The following EIF3A variants were observed in gnomAD, a reference collection of about 807,000 sequenced individuals.
EIF3A encodes the protein EIF3, p180 subunit.
EIF3A carries 21 observed loss-of-function variants against 186.6 expected under a neutral mutation model. That is an observed-to-expected ratio of 0.11 (90% CI 0.08 to 0.16). EIF3A has a LOEUF of 0.16. EIF3A is among the 10% of genes least tolerant of loss of function. The probability of loss-of-function intolerance (pLI) is 1.00; values close to 1 mark genes in which losing one functional copy is unlikely to be tolerated. For synonymous variants in EIF3A, 563 were observed against 584.3 expected, an observed-to-expected ratio of 0.96 and a Z score of 0.52; for missense variants, 1,306 against 1,796.3, an observed-to-expected ratio of 0.73 and a Z score of 4.93.
At chr10:119,043,659 C>T (rs1468723504) in intron 18 of EIF3A, among the ~76,000 whole-genome samples, 1 of 151,816 alleles carries the variant, frequency 6.6e-6, no homozygotes, top group Non-Finnish European at 1.5e-5. Context: ...GTGGCTCATG[C>T]CTGTCATCCC....
chr10:119,035,951 A>C lies in EIF3A; in HGVS notation c.*88T>G. On this transcript the variant is annotated 3_prime_UTR_variant, in exon 22 of 22. Coordinates refer to ENST00000369144, the MANE Select transcript of EIF3A (RefSeq NM_003750.4). Reference sequence around the variant, plus strand: ...TGGTGAAACAACATTAAAGAATCCAATTTAGATTGGTTGAAGCACAAGTAT... The same window carrying C: ...TGGTGAAACAACATTAAAGAATCCACTTTAGATTGGTTGAAGCACAAGTAT... 2 of 996,652 alleles carry C rather than the reference A, an allele frequency of 2.0e-6. No homozygotes were observed. Among genetic ancestry groups the C allele is most frequent in the Non-Finnish European group, 3.1e-6 (2 of 643,280 alleles). 61.7% of individuals were successfully genotyped at this position (996,652 alleles called of 1,614,324 possible). A position where few individuals can be genotyped will look rare whatever the true frequency, so the allele number is the denominator to read the frequency against.
In EIF3A at chr10:119,042,089, T is replaced by A; in HGVS notation, c.3431A>T (p.Asp1144Val). ...EDDRGPWRNM[D>V]DDRLSRRADD... ...AGCACGTCTTGAAAGGCGATCATCA[T>A]CCATGTTTCTCCAAGGGCCCCTGTC... Residue 1144 changes from aspartate (D) to valine (V), a missense_variant, in exon 19 of 22, where the codon GAT becomes GTT. Physicochemically the swap from Asp to Val is radical, Grantham distance 152 (BLOSUM62 -3). Transcript: ENST00000369144. The surrounding 1 kb of genome is among the most constrained non-coding windows in gnomAD (Gnocchi z 7.8). The A allele has an allele frequency of 6.2e-7, 1 of 1,614,200 alleles. No individual in the cohort carries two copies. The highest frequency in any genetic ancestry group is 8.5e-7 in the Non-Finnish European group (1 of 1,180,042).
intron 19 of EIF3A, among the ~76,000 whole-genome samples, chr10:119,038,916 C>T (rs936188239): frequency 6.6e-6 from 1 of 151,938 alleles, no homozygotes; most frequent in Non-Finnish European, 1.5e-5. Context: ...CAGAATGAGA[C>T]TGTCTCAAAA....
chr10:119,055,487 T>G (rs1255606628), intron 14 of EIF3A, among the ~76,000 whole-genome samples: 1 of 152,152 alleles, frequency 6.6e-6, no homozygotes, highest in African/African-American at 2.4e-5. Flanking sequence ...GAGCACATGC[T>G]GCTGGAAAAA....
At chr10:119,043,274 C>T (rs1231635347) in intron 18 of EIF3A, among the ~76,000 whole-genome samples, 1 of 152,068 alleles carries the variant, frequency 6.6e-6, no homozygotes, top group Non-Finnish European at 1.5e-5. Context: ...CAAAAATTAG[C>T]CAGGCGTGGT....
chr10:119,064,724 T>C (rs1207480522), intron 7 of EIF3A, among the ~76,000 whole-genome samples: 1 of 152,180 alleles, frequency 6.6e-6, no homozygotes, highest in Non-Finnish European at 1.5e-5. Flanking sequence ...GTTTGTTTGT[T>C]TGAAAAGGAG....
At chr10:119,075,838 T>TGA (rs1844162088) in intron 1 of EIF3A, among the ~76,000 whole-genome samples, 1 of 142,658 alleles carries the variant, frequency 7.0e-6, no homozygotes, top group Non-Finnish European at 1.5e-5. Context: ...CTCAGCCTCC[T>TGA]GAGTCGCTGG....
Position 119,036,100 on chromosome 10 carries a change from T to A in EIF3A, c.4088A>T (p.Glu1363Val). The change falls in exon 22 of 22, where the codon GAA becomes GTA. Residue 1363 changes from glutamate to valine, a missense_variant. By Grantham distance (121) the Glu-to-Val change is moderately radical. Coordinates refer to ENST00000369144, the MANE Select transcript of EIF3A (RefSeq NM_003750.4). ...KASWRAEKDR[E>V]SLRRTKNETD... ...CTCATTTTTAGTACGACGGAGAGATTCCCTATCTTTCTCAGCTCTCCATGA... is the reference window on the plus strand; with the variant it reads ...CTCATTTTTAGTACGACGGAGAGATACCCTATCTTTCTCAGCTCTCCATGA... The A allele has an allele frequency of 6.2e-7, 1 of 1,614,066 alleles. No homozygotes were observed. Among genetic ancestry groups the A allele is most frequent in the Non-Finnish European group, 8.5e-7 (1 of 1,179,990 alleles).
intron 1 of EIF3A, among the ~76,000 whole-genome samples, chr10:119,075,682 T>C (rs1278365470): frequency 7.1e-6 from 1 of 140,582 alleles, no homozygotes; most frequent in Non-Finnish European, 1.5e-5. Context: ...TTTTTAAAAA[T>C]ATCATTGTTT....
chr10:119,061,691 A>G (rs1843890045), intron 7 of EIF3A, among the ~76,000 whole-genome samples: 1 of 152,210 alleles, frequency 6.6e-6, no homozygotes, highest in Non-Finnish European at 1.5e-5. Flanking sequence ...TTATCACACA[A>G]AAATTATCAT....
chr10:119,064,258 G>T (rs547067971), intron 7 of EIF3A, among the ~76,000 whole-genome samples: 1 of 152,148 alleles, frequency 6.6e-6, no homozygotes, highest in Non-Finnish European at 1.5e-5. Flanking sequence ...GAAAAAAGTT[G>T]AAAATATTTT....
intron 17 of EIF3A, among the ~76,000 whole-genome samples, chr10:119,048,837 A>T (rs1332655726): frequency 6.6e-6 from 1 of 151,902 alleles, no homozygotes; most frequent in African/African-American, 2.4e-5. Context: ...CACCCAGCTA[A>T]TTTTTTTATT....
intron 6 of EIF3A, among the ~76,000 whole-genome samples, chr10:119,067,028 C>T (rs1156692857): frequency 6.6e-6 from 1 of 151,690 alleles, no homozygotes; most frequent in Non-Finnish European, 1.5e-5. Flanking sequence ...GCCTGGCTAA[C>T]ATGGTGAAAC....
At chr10:119,057,113 T>C in intron 12 of EIF3A, 73 bp from the exon 13 acceptor site, 1 of 819,278 alleles carries the variant, frequency 1.2e-6, no homozygotes, top group Non-Finnish European at 2.0e-6. Flanking sequence ...CACTGCTTTC[T>C]AGAATAAAAT....
chr10:119,073,107 G>C (rs1374250503), intron 3 of EIF3A, 54 bp from the exon 4 acceptor site: 1 of 1,532,806 alleles, frequency 6.5e-7, no homozygotes, highest in Admixed American at 2.1e-5. Flanking sequence ...ACTTTGCCAT[G>C]TGATTAAAAA....
At chr10:119,070,173 T>C (rs1844049386) in intron 5 of EIF3A, among the ~76,000 whole-genome samples, 1 of 152,224 alleles carries the variant, frequency 6.6e-6, no homozygotes, top group South Asian at 2.1e-4. Flanking sequence ...TCCTCTATAA[T>C]TTCAATCAAA....
chr10:119,049,927 A>G lies in EIF3A; in HGVS notation c.2532T>C (p.Tyr844=). Residue 844 remains tyrosine (Y), a synonymous_variant, in exon 17 of 22, where the codon TAT becomes TAC. Transcript: ENST00000369144. The part of the protein sequence containing the change: ...RAKREEELRE[Y]QERVKKLEEV... ...CTTCTAATTTCTTCACCCGCTCCTG[A>G]TACTCTCGTAGCTCTTCCTCGCGTT... 6.2e-7 allele frequency: 1 copy of G among 1,613,760 alleles called. No individual in the cohort carries two copies.
intron 17 of EIF3A, among the ~76,000 whole-genome samples, chr10:119,049,195 C>T (rs577661673): frequency 1.3e-5 from 2 of 152,186 alleles, no homozygotes; most frequent in South Asian, 2.1e-4. Flanking sequence ...TGCGGTGGCT[C>T]GCGCCTGTAA....
Position 119,069,434 on chromosome 10 carries a change from T to A in EIF3A, c.950+12A>T. 2 of 1,218,900 alleles carry A rather than the reference T, an allele frequency of 1.6e-6. No individual in the cohort carries two copies. The highest frequency in any genetic ancestry group is 2.4e-5 in the South Asian group (2 of 82,524). The allele number at this position is 1,218,900 out of a possible 1,614,324, so 75.5% of individuals were successfully genotyped here. A position where few individuals can be genotyped will look rare whatever the true frequency, so the allele number is the denominator to read the frequency against. On this transcript the variant is annotated intron_variant, in intron 6 of 21. Transcript: ENST00000369144. ...ACAGAATTTCAACATTATCCAAGTA[T>A]AACATTTTTACCTTTGCATCTCATC...
Sources: allele counts gnomAD v4.1 joint callset (sites outside exome capture counted in the v4.1 genomes callset), GRCh38; gene constraint gnomAD v4.1.1; non-coding constraint Gnocchi (gnomAD v3.1); transcripts MANE v1.5; gene names NCBI Gene and HGNC (gene_info 2026-07-23, HGNC 2026-07-21).